ARSB: variants seen among roughly 807,000 people sequenced by gnomAD.
ARSB encodes the protein arylsulfatase B.
A neutral mutation model predicts 50.9 loss-of-function variants in ARSB; 41 were observed. That is an observed-to-expected ratio of 0.81 (90% confidence interval 0.63 to 1.04). ARSB has a LOEUF of 1.04. Among genes scored for constraint, ARSB ranks in the 50% least tolerant of loss-of-function variants. The pLI, the probability that ARSB is intolerant of heterozygous loss-of-function variation, is 0.00. For synonymous variants in ARSB, 269 were observed against 284.8 expected, an observed-to-expected ratio of 0.94 and a Z score of 0.56; for missense variants, 672 against 693.3, an observed-to-expected ratio of 0.97 and a Z score of 0.35.
intron 5 of ARSB, among the ~76,000 whole-genome samples, chr5:78,856,674 G>C (rs948321391): frequency 6.6e-6 from 1 of 152,242 alleles, no homozygotes; most frequent in Admixed American, 6.5e-5. Context: ...GTTGATTATT[G>C]CTATACTATA....
Position 78,815,139 on chromosome 5 carries a change from T to C in ARSB, c.1213+24217A>G, listed in dbSNP as rs573091695. ...CCAATTATCGAAAAGATTATTGAAG[T>C]TGACTGTAGTAAAGCATTATTTTAA... On this transcript the variant is annotated intron_variant, in intron 6 of 7. Coordinates refer to ENST00000264914, the MANE Select transcript of ARSB (RefSeq NM_000046.5). Among the ~76,000 whole-genome samples the C allele has an allele frequency of 2.0e-5, 3 of 151,052 alleles. 1 individual carries two copies. The highest frequency in any genetic ancestry group is 7.3e-5 in the African/African-American group (3 of 40,828).
At chr5:78,844,653 G>T (rs1745365420) in intron 5 of ARSB, among the ~76,000 whole-genome samples, 1 of 152,066 alleles carries the variant, frequency 6.6e-6, no homozygotes, top group Non-Finnish European at 1.5e-5. Flanking sequence ...GAGTTTTATA[G>T]TTTTAATTCT....
At chr5:78,831,253 G>T (rs934643510) in intron 6 of ARSB, among the ~76,000 whole-genome samples, 1 of 151,966 alleles carries the variant, frequency 6.6e-6, no homozygotes, top group Non-Finnish European at 1.5e-5. Context: ...AGCTGGTATT[G>T]AATAAAACCC....
intron 6 of ARSB, among the ~76,000 whole-genome samples, chr5:78,811,116 C>T (rs776397098): frequency 6.6e-5 from 10 of 152,170 alleles, no homozygotes; most frequent in South Asian, 2.1e-4. Context: ...ACTCACAACC[C>T]GCTGCCATCC....
chr5:78,907,348 G>A (rs1463908974), intron 4 of ARSB, among the ~76,000 whole-genome samples: 4 of 152,142 alleles, frequency 2.6e-5, no homozygotes, highest in African/African-American at 7.2e-5. Context: ...TTCTTCCCTC[G>A]CCTTCTCTCA....
At chr5:78,975,365 G>A (rs1410712089) in intron 1 of ARSB, among the ~76,000 whole-genome samples, 1 of 152,214 alleles carries the variant, frequency 6.6e-6, no homozygotes, top group African/African-American at 2.4e-5. Context: ...TACCCACGAT[G>A]CTCCAGCACA....
chr5:78,941,968 T>A (rs558813475), intron 4 of ARSB, among the ~76,000 whole-genome samples: 88 of 152,358 alleles, frequency 5.8e-4, no homozygotes, highest in African/African-American at 1.9e-3. Flanking sequence ...GAGCCTGTTA[T>A]TGGTCTATTC....
At chr5:78,798,738 C>T (rs931442727) in intron 6 of ARSB, among the ~76,000 whole-genome samples, 4 of 152,306 alleles carry the variant, frequency 2.6e-5, no homozygotes, top group African/African-American at 7.2e-5. Context: ...GTCAGGTGGG[C>T]CTGCCCCCTC....
At chr5:78,828,225 T>A (rs2112689184) in intron 6 of ARSB, among the ~76,000 whole-genome samples, 1 of 151,442 alleles carries the variant, frequency 6.6e-6, no homozygotes, top group South Asian at 2.1e-4. Flanking sequence ...ATTTTTTTTG[T>A]GTGTATTTTT....
intron 4 of ARSB, among the ~76,000 whole-genome samples, chr5:78,913,643 C>T (rs2112325470): frequency 6.6e-6 from 1 of 152,232 alleles, no homozygotes; most frequent in Non-Finnish European, 1.5e-5. Flanking sequence ...AATATAGGCT[C>T]AGTGTTACAT....
chr5:78,947,143 G>C (rs905843959), intron 4 of ARSB, among the ~76,000 whole-genome samples: 3 of 152,136 alleles, frequency 2.0e-5, no homozygotes, highest in Admixed American at 6.5e-5. Context: ...ATGGATTAAA[G>C]ACTTAAGTCT....
intron 4 of ARSB, among the ~76,000 whole-genome samples, chr5:78,894,458 A>C (rs1224534054): frequency 6.6e-6 from 1 of 152,242 alleles, no homozygotes; most frequent in African/African-American, 2.4e-5. Flanking sequence ...AAGGTTACTC[A>C]GAAAAATCAA....
At chr5:78,782,518 G>A (rs1490144886) in intron 6 of ARSB, among the ~76,000 whole-genome samples, 1 of 152,182 alleles carries the variant, frequency 6.6e-6, no homozygotes, top group African/African-American at 2.4e-5. Flanking sequence ...GGATAACTAT[G>A]GGGGTAAGAA....
At chr5:78,800,090 G>A (rs1233629564) in intron 6 of ARSB, among the ~76,000 whole-genome samples, 5 of 152,116 alleles carry the variant, frequency 3.3e-5, no homozygotes, top group Non-Finnish European at 5.9e-5. Flanking sequence ...GGCCGAGGCA[G>A]GCAAATCACT....
rs1561424275 is a variant in ARSB, at chr5:78,787,090, C to CTAA, written c.1214-5117_1214-5116insTTA. Among the ~76,000 whole-genome samples, 126 of 140,686 alleles carry CTAA rather than the reference C, an allele frequency of 9.0e-4. 1 individual carries two copies. Among genetic ancestry groups the CTAA allele is most frequent in the African/African-American group, 3.3e-3 (122 of 37,018 alleles). The allele number at this position is 140,686 out of a possible 152,430, so 92.3% of individuals were successfully genotyped here. A position where few individuals can be genotyped will look rare whatever the true frequency, so the allele number is the denominator to read the frequency against. On this transcript the variant is annotated intron_variant, in intron 6 of 7. Transcript: ENST00000264914. Reference sequence around the variant, plus strand: ...TCTATAGTTATTAAAAAATCGATAACCATCTATCTATCTATCTATCTATCT... The same window carrying CTAA: ...TCTATAGTTATTAAAAAATCGATAACTAACATCTATCTATCTATCTATCTATCT...
At chr5:78,911,060 T>C (rs1452802369) in intron 4 of ARSB, among the ~76,000 whole-genome samples, 1 of 152,062 alleles carries the variant, frequency 6.6e-6, no homozygotes, top group Non-Finnish European at 1.5e-5. Flanking sequence ...GGTTGAATGG[T>C]GAGAATGAAA....
chr5:78,947,369 C>G (rs1384430729), intron 4 of ARSB, among the ~76,000 whole-genome samples: 3 of 151,502 alleles, frequency 2.0e-5, no homozygotes, highest in Admixed American at 2.0e-4. Context: ...AAAATATCTG[C>G]AAACTATCCA....
intron 4 of ARSB, among the ~76,000 whole-genome samples, chr5:78,894,798 G>GC (rs1446496610): frequency 1.3e-5 from 2 of 152,182 alleles, no homozygotes; most frequent in Non-Finnish European, 2.9e-5. Flanking sequence ...AACTCTGTGA[G>GC]CCCCCAGAGT....
chr5:78,789,935 G>A (rs1481133336), intron 6 of ARSB, among the ~76,000 whole-genome samples: 1 of 152,174 alleles, frequency 6.6e-6, no homozygotes, highest in Non-Finnish European at 1.5e-5. Context: ...TTCCTTGGGA[G>A]GATGATTTTC....
Sources: allele counts gnomAD v4.1 joint callset (sites outside exome capture counted in the v4.1 genomes callset), GRCh38; gene constraint gnomAD v4.1.1; transcripts MANE v1.5; gene names NCBI Gene and HGNC (gene_info 2026-07-23, HGNC 2026-07-21).